ZNF407: variants seen among roughly 807,000 people sequenced by gnomAD.
The protein encoded by ZNF407 is zinc finger protein 407.
ZNF407 carries 17 observed loss-of-function variants against 131.2 expected under a neutral mutation model. The ratio of observed to expected loss-of-function variants is 0.13; its 90% confidence interval spans 0.09 to 0.19. The LOEUF (loss-of-function observed/expected upper bound fraction) is 0.19, where lower values mean the gene tolerates loss of function less well. Among genes scored for constraint, ZNF407 ranks in the 10% least tolerant of loss-of-function variants. ZNF407 has a pLI of 1.00. For missense variants in ZNF407, 2,681 were observed against 2,830.6 expected, an observed-to-expected ratio of 0.95 and a Z score of 1.20; for synonymous variants, 1,156 against 1,062.0, an observed-to-expected ratio of 1.09 and a Z score of -1.72.
At chr18:74,987,156 G>A (rs1026453798) in intron 8 of ZNF407, among the ~76,000 whole-genome samples, 4 of 151,884 alleles carry the variant, frequency 2.6e-5, no homozygotes, top group South Asian at 2.1e-4. Flanking sequence ...GGCATACTCC[G>A]AAGTGCATTG....
At chr18:74,919,836 C>G (rs947921533) in intron 7 of ZNF407, among the ~76,000 whole-genome samples, 13 of 152,326 alleles carry the variant, frequency 8.5e-5, no homozygotes, top group African/African-American at 2.9e-4. Context: ...TCAGGGCTTG[C>G]ATTTCTAATT....
intron 4 of ZNF407, among the ~76,000 whole-genome samples, chr18:74,837,657 A>T (rs765122987): frequency 1.9e-4 from 29 of 149,878 alleles, no homozygotes; most frequent in Non-Finnish European, 3.6e-4. Flanking sequence ...TTTTGTATGT[A>T]ACCTTTTCTT....
intron 3 of ZNF407, among the ~76,000 whole-genome samples, chr18:74,728,884 A>C (rs1968224416): frequency 6.6e-6 from 1 of 152,186 alleles, no homozygotes; most frequent in Non-Finnish European, 1.5e-5. Context: ...AATTTTAGAG[A>C]CTAAACACTA....
At chr18:74,726,214 T>A (rs1027828084) in intron 3 of ZNF407, among the ~76,000 whole-genome samples, 1 of 152,178 alleles carries the variant, frequency 6.6e-6, no homozygotes, top group African/African-American at 2.4e-5. Context: ...AGCTCTTAGA[T>A]GTATGTAGAC....
intron 3 of ZNF407, among the ~76,000 whole-genome samples, chr18:74,677,753 C>T (rs1011095409): frequency 2.6e-5 from 4 of 152,000 alleles, no homozygotes; most frequent in African/African-American, 9.7e-5. Context: ...TATTGAAGCC[C>T]CTTTGGGTCC....
At chr18:74,757,901 A>G (rs913310323) in intron 3 of ZNF407, among the ~76,000 whole-genome samples, 3 of 152,098 alleles carry the variant, frequency 2.0e-5, no homozygotes, top group African/African-American at 7.2e-5. Flanking sequence ...GGCTTCTAGT[A>G]ACAATCTTCC....
intron 4 of ZNF407, among the ~76,000 whole-genome samples, chr18:74,788,239 CA>C (rs1969758425): frequency 6.6e-6 from 1 of 152,100 alleles, no homozygotes; most frequent in African/African-American, 2.4e-5. Context: ...TCATGTAATT[CA>C]AGGGCAGTTT....
chr18:74,637,112 A>G (rs944652502), intron 2 of ZNF407, among the ~76,000 whole-genome samples: 2 of 152,222 alleles, frequency 1.3e-5, no homozygotes, highest in Non-Finnish European at 1.5e-5. Context: ...ATTATAGTCA[A>G]TAAGTCTTGT....
intron 4 of ZNF407, among the ~76,000 whole-genome samples, chr18:74,852,084 C>T (rs1970792575): frequency 6.6e-6 from 1 of 152,032 alleles, no homozygotes; most frequent in African/African-American, 2.4e-5. Context: ...GCGCCTACCG[C>T]GGCAGAGAAT....
At position 75,024,964 on chromosome 18, in the gene ZNF407, G is replaced by T. The variant is rs376360950; in HGVS notation, c.5429-38186G>T. 2.3e-4 allele frequency among the ~76,000 whole-genome samples: 35 copies of T among 152,300 alleles called. 1 individual carries two copies. In the South Asian group the frequency reaches 6.2e-3, roughly 27 times the overall value. On this transcript the variant is annotated intron_variant, in intron 8 of 8. Coordinates refer to ENST00000299687, the MANE Select transcript of ZNF407 (RefSeq NM_017757.3). ...TTTCCATCTGATCATTTAAAAAAAT[G>T]TGTGTTTGCATGAATAATGAATCTT... is the stretch of plus-strand genomic sequence containing the variant.
At chr18:74,672,516 GTTGGAGCACCGTTTGTTCA>G (rs929884095) in intron 3 of ZNF407, among the ~76,000 whole-genome samples, 7 of 150,288 alleles carry the variant, frequency 4.7e-5, no homozygotes, top group African/African-American at 1.7e-4. Flanking sequence ...GTCTCTGTTC[GTTGGAGCACCGTTTGTTCA>G]TTGGAGCACT....
Position 75,063,896 on chromosome 18 carries a change from G to A in ZNF407, c.6175G>A (p.Val2059Met), listed in dbSNP as rs775118609. The change falls in exon 9 of 9, where the codon GTG (valine) becomes ATG (methionine). Residue 2059 changes from valine (V) to methionine (M), a missense_variant. By Grantham distance (21) the Val-to-Met change is conservative (BLOSUM62 1). Transcript: ENST00000299687. The surrounding 1 kb of genome is among the most constrained non-coding windows in gnomAD (Gnocchi z 6.6). ...GGCCGCCGTGGAGGTGCTCACCCAG[G>A]TGGTCCATCCCTCAGCAGCCATGGC... The part of the protein sequence containing the change: ...SPAAVEVLTQ[V>M]VHPSAAMASQ... The A allele has an allele frequency of 5.0e-6, 8 of 1,613,490 alleles. No homozygotes were observed. The highest frequency in any genetic ancestry group is 6.8e-6 in the Non-Finnish European group (8 of 1,179,846).
chr18:74,799,638 T>C (rs1188209007), intron 4 of ZNF407, among the ~76,000 whole-genome samples: 2 of 152,068 alleles, frequency 1.3e-5, no homozygotes, highest in East Asian at 3.9e-4. Context: ...TCAGTATCTC[T>C]TTTCATTTGC....
intron 3 of ZNF407, among the ~76,000 whole-genome samples, chr18:74,685,161 T>C (rs1967068011): frequency 6.6e-6 from 1 of 152,210 alleles, no homozygotes; most frequent in African/African-American, 2.4e-5. Flanking sequence ...GTTTTTATTA[T>C]AAAGGTCAGG....
At chr18:75,058,826 A>G (rs1973591808) in intron 8 of ZNF407, among the ~76,000 whole-genome samples, 1 of 152,242 alleles carries the variant, frequency 6.6e-6, no homozygotes, top group African/African-American at 2.4e-5. Context: ...AGAGATTCAC[A>G]TTCGTTTAAA....
chr18:74,975,809 C>T (rs1443402772), intron 8 of ZNF407, among the ~76,000 whole-genome samples: 1 of 152,106 alleles, frequency 6.6e-6, no homozygotes, highest in Non-Finnish European at 1.5e-5. Context: ...AAGTAAAGTT[C>T]AGACAAGAAA....
intron 3 of ZNF407, among the ~76,000 whole-genome samples, chr18:74,706,145 AT>A (rs1193436305): frequency 6.6e-6 from 1 of 152,230 alleles, no homozygotes; most frequent in East Asian, 1.9e-4. Flanking sequence ...TTGACAATGA[AT>A]TATGCAAAAA....
At position 74,856,622 on chromosome 18, in the gene ZNF407, T is replaced by C. The variant is rs139210636; in HGVS notation, c.4878-20575T>C. Among the ~76,000 whole-genome samples, 450 of 152,312 alleles carry C rather than the reference T, an allele frequency of 3.0e-3. 1 individual carries two copies. The highest frequency in any genetic ancestry group is 1.0e-2 in the African/African-American group (415 of 41,582). ...GCAAATCTAAAGTATGGTTTCTGTCTGCCATTTGCTACTATTGCCCTCTGA... is the reference window on the plus strand; with the variant it reads ...GCAAATCTAAAGTATGGTTTCTGTCCGCCATTTGCTACTATTGCCCTCTGA... On this transcript the variant is annotated intron_variant, in intron 4 of 8. Transcript: ENST00000299687.
chr18:74,911,703 A>G (rs1421849548), intron 7 of ZNF407, among the ~76,000 whole-genome samples: 1 of 152,130 alleles, frequency 6.6e-6, no homozygotes. Context: ...GAATCTTTGT[A>G]AGATTTACTA....
Sources: gnomAD v4.1 joint callset for allele counts (sites outside exome capture counted in the v4.1 genomes callset) on GRCh38, gnomAD v4.1.1 for gene constraint, Gnocchi (gnomAD v3.1) non-coding constraint, MANE v1.5 for transcripts, NCBI Gene and HGNC (gene_info 2026-07-23, HGNC 2026-07-21) for gene names.